ADCY2: variants seen among roughly 807,000 people sequenced by gnomAD.
ADCY2 encodes adenylate cyclase 2.
Under a neutral mutation model 125.2 loss-of-function variants are expected in ADCY2, and 31 were observed. The ratio of observed to expected loss-of-function variants is 0.25; its 90% CI spans 0.19 to 0.33. The LOEUF (loss-of-function observed/expected upper bound fraction) is 0.33. Among genes scored for constraint, ADCY2 ranks in the 10% least tolerant of loss-of-function variants. The pLI is 1.00. For missense variants in ADCY2, 904 were observed against 1,418.2 expected (o/e 0.64, Z 5.82); for synonymous variants, 512 against 548.4 (o/e 0.93, Z 0.93).
intron 4 of ADCY2, among the ~76,000 whole-genome samples, chr5:7,638,558 AAC>A (rs1449763237): frequency 6.6e-6 from 1 of 152,174 alleles, no homozygotes; most frequent in Non-Finnish European, 1.5e-5. Context: ...AAAGAAACAA[AAC>A]ACACTCCCAG....
chr5:7,637,754 A>C (rs1361195636), intron 4 of ADCY2, among the ~76,000 whole-genome samples: 2 of 152,220 alleles, frequency 1.3e-5, no homozygotes, highest in African/African-American at 4.8e-5. Context: ...AAAATATAAA[A>C]TTAAATGTTA....
chr5:7,696,383 G>T (rs1247145624), intron 6 of ADCY2, among the ~76,000 whole-genome samples: 1 of 152,128 alleles, frequency 6.6e-6, no homozygotes, highest in Non-Finnish European at 1.5e-5. Flanking sequence ...AACAGAAATG[G>T]AAGTTTAGTG....
At chr5:7,501,638 TTCCCCCC>T (rs1349481191) in intron 2 of ADCY2, among the ~76,000 whole-genome samples, 1 of 27,958 alleles carries the variant, frequency 3.6e-5, no homozygotes, top group African/African-American at 1.6e-4. Context: ...AAGAATGAGA[TTCCCCCC>T]TCCCCCCCCC....
At chr5:7,611,566 G>T (rs1460129784) in intron 3 of ADCY2, among the ~76,000 whole-genome samples, 1 of 152,094 alleles carries the variant, frequency 6.6e-6, no homozygotes, top group East Asian at 1.9e-4. Context: ...ATTCTAGTAG[G>T]CTTGGATGGA....
Position 7,768,887 on chromosome 5 carries a change from T to G in ADCY2, c.2214+2081T>G, listed in dbSNP as rs1743475865. Among the ~76,000 whole-genome samples, 3 of 152,186 alleles carry G rather than the reference T, an allele frequency of 2.0e-5. No individual in the cohort carries two copies. The East Asian group carries it at 5.8e-4, about 29-fold the overall frequency. On this transcript the variant is annotated intron_variant, in intron 17 of 24. Transcript: ENST00000338316. ...TGGACTGGCTGCCCAGAAACCACAT[T>G]GTGAACTCACGGGTTTAGCAGTCCT... is the stretch of plus-strand genomic sequence containing the variant.
At chr5:7,413,289 T>G (rs909059441) in intron 1 of ADCY2, among the ~76,000 whole-genome samples, 39 of 143,188 alleles carry the variant, frequency 2.7e-4, no homozygotes, top group Non-Finnish European at 4.9e-4. Flanking sequence ...AGCCTTGGGG[T>G]TTTTTTTTTC....
intron 1 of ADCY2, among the ~76,000 whole-genome samples, chr5:7,405,958 C>G (rs1739472855): frequency 6.6e-6 from 1 of 152,074 alleles, no homozygotes; most frequent in South Asian, 2.1e-4. Context: ...TCCCTGGGCT[C>G]AAGTTATCCT....
At chr5:7,717,531 A>G (rs1741627030) in intron 12 of ADCY2, among the ~76,000 whole-genome samples, 2 of 152,356 alleles carry the variant, frequency 1.3e-5, no homozygotes, top group South Asian at 2.1e-4. Context: ...AATATTTTTA[A>G]AAGATAGATT....
chr5:7,523,569 G>A (rs1180109293), intron 3 of ADCY2, among the ~76,000 whole-genome samples: 1 of 152,206 alleles, frequency 6.6e-6, no homozygotes, highest in African/African-American at 2.4e-5. Context: ...GCTGGGAAAG[G>A]TGGAACATGC....
intron 14 of ADCY2, among the ~76,000 whole-genome samples, chr5:7,736,736 T>C (rs1371113777): frequency 6.6e-6 from 1 of 152,088 alleles, no homozygotes; most frequent in African/African-American, 2.4e-5. Context: ...AAAAGAAACA[T>C]TGAAATGCAT....
chr5:7,539,004 C>T (rs1488399927), intron 3 of ADCY2, among the ~76,000 whole-genome samples: 1 of 151,704 alleles, frequency 6.6e-6, no homozygotes, highest in Non-Finnish European at 1.5e-5. Flanking sequence ...GCTAGGACTA[C>T]AGGCACATGT....
chr5:7,757,514 C>A lies in ADCY2; in HGVS notation c.2022C>A (p.Asn674Lys). The A allele has an allele frequency of 1.2e-6, 2 of 1,614,104 alleles. No individual in the cohort carries two copies. Among genetic ancestry groups the A allele is most frequent in the Non-Finnish European group, 1.7e-6 (2 of 1,180,024 alleles). ...WLLKSSGIIA[N>K]RPWPRISLTI... is the part of the protein sequence containing the mutation. The stretch of plus-strand genomic sequence containing the variant: ...TGAAGTCCTCGGGCATCATTGCCAA[C>A]CGCCCCTGGCCACGGATCTCTCTCA... Residue 674 changes from asparagine to lysine, a missense_variant, in exon 16 of 25, where the codon AAC (asparagine) becomes AAA (lysine). Physicochemically the swap from Asn to Lys is moderately conservative, Grantham distance 94 (BLOSUM62 0). Coordinates refer to ENST00000338316, the MANE Select transcript of ADCY2 (RefSeq NM_020546.3).
At chr5:7,647,945 T>C (rs1264154551) in intron 4 of ADCY2, among the ~76,000 whole-genome samples, 40 of 152,156 alleles carry the variant, frequency 2.6e-4, no homozygotes, top group Admixed American at 2.6e-3. Context: ...CTCCGTCCGA[T>C]TAAAGGAGCC....
At chr5:7,705,955 G>C (rs113573293) in intron 7 of ADCY2, among the ~76,000 whole-genome samples, 5 of 152,284 alleles carry the variant, frequency 3.3e-5, no homozygotes, top group African/African-American at 1.2e-4. Context: ...ACAAGTGGTG[G>C]TGTCTTTATT....
intron 4 of ADCY2, among the ~76,000 whole-genome samples, chr5:7,674,948 G>A (rs978861852): frequency 6.6e-6 from 1 of 152,140 alleles, no homozygotes; most frequent in Non-Finnish European, 1.5e-5. Context: ...GAGGTCAGGA[G>A]ATCGAGACCA....
intron 2 of ADCY2, among the ~76,000 whole-genome samples, chr5:7,461,328 A>G (rs1461933638): frequency 6.6e-6 from 1 of 152,232 alleles, no homozygotes; most frequent in Non-Finnish European, 1.5e-5. Flanking sequence ...GGGAAGGATT[A>G]ATACTGGAGG....
intron 4 of ADCY2, among the ~76,000 whole-genome samples, chr5:7,679,057 G>A (rs1050114637): frequency 1.3e-5 from 2 of 152,226 alleles, no homozygotes; most frequent in African/African-American, 2.4e-5. Context: ...TAACACCTAC[G>A]CTTGAAGCAA....
At chr5:7,548,149 A>G (rs951349152) in intron 3 of ADCY2, among the ~76,000 whole-genome samples, 1 of 152,226 alleles carries the variant, frequency 6.6e-6, no homozygotes, top group Non-Finnish European at 1.5e-5. Context: ...TTAAACAAAC[A>G]TATCATGTCA....
chr5:7,435,322 AC>A (rs535400348), intron 2 of ADCY2, among the ~76,000 whole-genome samples: 79 of 152,264 alleles, frequency 5.2e-4, no homozygotes, highest in Admixed American at 1.4e-3. Context: ...TTTGTGGAAA[AC>A]CTGGGCTTAG....
Sources: gnomAD v4.1 joint callset for allele counts (sites outside exome capture counted in the v4.1 genomes callset) on GRCh38, gnomAD v4.1.1 for gene constraint, MANE v1.5 for transcripts, NCBI Gene and HGNC (gene_info 2026-07-23, HGNC 2026-07-21) for gene names.